GLB1: variants seen among roughly 807,000 people sequenced by gnomAD.
GLB1 encodes beta-galactosidase.
Under a neutral mutation model 74.0 loss-of-function variants are expected in GLB1, and 56 were observed. The ratio of observed to expected loss-of-function variants is 0.76; its 90% confidence interval spans 0.61 to 0.94. The LOEUF is 0.94. Ranked by LOEUF, GLB1 falls within the 40% of genes least tolerant of loss-of-function variation. GLB1 has a pLI of 0.00. For missense variants in GLB1, 787 were observed against 845.5 expected, an observed-to-expected ratio of 0.93 and a Z score of 0.86; for synonymous variants, 323 against 323.6, an observed-to-expected ratio of 1.00 and a Z score of 0.02.
the GLB1 span, among the ~76,000 whole-genome samples, chr3:32,968,762 G>A: frequency 2.6e-5 from 4 of 152,296 alleles, no homozygotes; most frequent in South Asian, 2.1e-4. Context: ...CTTTAGGACC[G>A]CCAGATCTAA....
chr3:32,990,224 A>T, the GLB1 span, among the ~76,000 whole-genome samples: 1 of 152,084 alleles, frequency 6.6e-6, no homozygotes, highest in Non-Finnish European at 1.5e-5. Flanking sequence ...TGCTCTACTC[A>T]TGCCTATCTT....
chr3:32,994,440 T>G (rs2125441222), downstream of GLB1, among the ~76,000 whole-genome samples: 1 of 152,298 alleles, frequency 6.6e-6, no homozygotes, highest in Non-Finnish European at 1.5e-5. Flanking sequence ...TAGAGAGAGT[T>G]GCATTTTCAA....
chr3:32,982,294 C>T, the GLB1 span, among the ~76,000 whole-genome samples: 1 of 119,672 alleles, frequency 8.4e-6, no homozygotes, highest in South Asian at 2.7e-4. Context: ...GCCTGGGCAA[C>T]AAGAGCGAAA....
intron 1 of GLB1, chr3:33,077,389 T>G (rs1700152683): frequency 8.4e-7 from 1 of 1,185,358 alleles, no homozygotes; most frequent in East Asian, 2.6e-5. Context: ...GATTCCAATT[T>G]GACAGGCAAC....
At chr3:33,095,863 G>A (rs1390583578) in intron 1 of GLB1, among the ~76,000 whole-genome samples, 3 of 152,156 alleles carry the variant, frequency 2.0e-5, no homozygotes, top group Non-Finnish European at 2.9e-5. Context: ...CGGGCCTTCT[G>A]GACAAGAAAA....
At chr3:33,042,429 G>A (rs1163252374) in intron 10 of GLB1, among the ~76,000 whole-genome samples, 2 of 135,932 alleles carry the variant, frequency 1.5e-5, no homozygotes, top group East Asian at 2.1e-4. Flanking sequence ...GTGCAGTGGC[G>A]TGATCTCGGC....
At chr3:33,018,318 AAAAAAAGAT>A in intron 13 of GLB1, 121 bp downstream of exon 13, 1 of 213,834 alleles carries the variant, frequency 4.7e-6, no homozygotes, top group Non-Finnish European at 8.6e-6. Flanking sequence ...AAAAAAAAAA[AAAAAAAGAT>A]GATGGGTAGA....
In GLB1 at chr3:32,996,723, C is replaced by A; in HGVS notation, c.*322G>T. ...AATACCTGCACATTAAAAACAGTGA[C>A]ATCATCATTTGAGTACAAATTTTAT... On this transcript the variant is annotated 3_prime_UTR_variant, in exon 16 of 16. Transcript: ENST00000307363. 1 of 369,100 alleles carries A rather than the reference C, an allele frequency of 2.7e-6. No individual in the cohort carries two copies. The highest frequency in any genetic ancestry group is 2.4e-5 in the South Asian group (1 of 41,976). The allele number at this position is 369,100 out of a possible 1,614,324, so 22.9% of individuals were successfully genotyped here.
chr3:33,008,550 G>T (rs1177532288), intron 15 of GLB1, among the ~76,000 whole-genome samples: 3 of 152,154 alleles, frequency 2.0e-5, no homozygotes, highest in Non-Finnish European at 4.4e-5. Flanking sequence ...GAGTCAGGTG[G>T]CTTAAGGAGG....
At chr3:33,077,447 G>T (rs887622607) in intron 1 of GLB1, 6 of 823,888 alleles carry the variant, frequency 7.3e-6, no homozygotes, top group Non-Finnish European at 7.8e-6. Flanking sequence ...GGAGGATGAA[G>T]ATACAACCGA....
chr3:33,019,257 G>T (rs1384641371), intron 12 of GLB1, among the ~76,000 whole-genome samples: 3 of 152,216 alleles, frequency 2.0e-5, no homozygotes, highest in Non-Finnish European at 4.4e-5. Flanking sequence ...AATATTTTTA[G>T]ATGCTGACAT....
rs189025417 is a variant in GLB1, at chr3:33,078,248, T to G, written c.76-5535A>C. 6.4e-4 allele frequency among the ~76,000 whole-genome samples: 97 copies of G among 152,106 alleles called. 1 individual carries two copies. The highest frequency in any genetic ancestry group is 1.2e-4 in the Non-Finnish European group (8 of 67,972). Reference sequence around the variant, plus strand: ...GACAGAGAGGGACCCTGTCTCAAAATAACAATAAATGCAGAAGGAATAAAA... The same window carrying G: ...GACAGAGAGGGACCCTGTCTCAAAAGAACAATAAATGCAGAAGGAATAAAA... On this transcript the variant is annotated intron_variant, in intron 1 of 15. Coordinates refer to ENST00000307363, the MANE Select transcript of GLB1 (RefSeq NM_000404.4).
intron 1 of GLB1, among the ~76,000 whole-genome samples, chr3:33,082,509 G>A (rs1700359158): frequency 6.6e-6 from 1 of 152,122 alleles, no homozygotes. Flanking sequence ...CAAATTGCCC[G>A]TGAGCCTCTG....
intron 10 of GLB1, among the ~76,000 whole-genome samples, chr3:33,026,423 C>T (rs1405066307): frequency 6.6e-6 from 1 of 152,176 alleles, no homozygotes; most frequent in Non-Finnish European, 1.5e-5. Flanking sequence ...CAGCTCAGCA[C>T]TGGCCTGTAG....
chr3:32,997,453 C>T, intron 15 of GLB1, 109 bp from the exon 16 acceptor site: 1 of 1,534,544 alleles, frequency 6.5e-7, no homozygotes, highest in Non-Finnish European at 8.8e-7. Flanking sequence ...AAAGAAATGC[C>T]CCCAGAAAGG....
At chr3:32,966,957 C>A in the GLB1 span, among the ~76,000 whole-genome samples, 11 of 152,190 alleles carry the variant, frequency 7.2e-5, no homozygotes, top group Non-Finnish European at 1.2e-4. Context: ...CATTAGATTT[C>A]TTTCCTTTAT....
At chr3:32,997,819 A>G (rs578204896) in intron 15 of GLB1, among the ~76,000 whole-genome samples, 1 of 152,322 alleles carries the variant, frequency 6.6e-6, no homozygotes, top group African/African-American at 2.4e-5. Flanking sequence ...TCCCAGAGGC[A>G]GGTCTTGACC....
At chr3:33,027,348 C>T (rs1159250570) in intron 10 of GLB1, among the ~76,000 whole-genome samples, 4 of 152,250 alleles carry the variant, frequency 2.6e-5, no homozygotes, top group African/African-American at 7.2e-5. Context: ...CACCCCTTGC[C>T]GCTTTATGCC....
chr3:33,046,371 G>C lies in GLB1; in HGVS notation c.956-139C>G, dbSNP rs1053620624. The stretch of plus-strand genomic sequence containing the variant: ...ACCACTTGTTGGGAGACACAGACGT[G>C]ACCCTCAGGATGCAACGTTTAGAGG... On this transcript the variant is annotated intron_variant, in intron 9 of 15. Coordinates refer to ENST00000307363, the MANE Select transcript of GLB1 (RefSeq NM_000404.4). 4 of 967,196 alleles carry C rather than the reference G, an allele frequency of 4.1e-6. No individual in the cohort carries two copies. In the African/African-American group the frequency reaches 4.9e-5, roughly 12 times the overall value. The allele number at this position is 967,196 out of a possible 1,614,324, so 59.9% of individuals were successfully genotyped here.
Sources: allele counts gnomAD v4.1 joint callset (sites outside exome capture counted in the v4.1 genomes callset), GRCh38; gene constraint gnomAD v4.1.1; transcripts MANE v1.5; gene names NCBI Gene and HGNC (gene_info 2026-07-23, HGNC 2026-07-21).